Variants in PLA2G4B observed in about 807,000 individuals in gnomAD.
PLA2G4B encodes cytosolic phospholipase A2 beta.
In PLA2G4B, 122 loss-of-function variants were observed where a neutral mutation model predicts 95.8. The ratio of observed to expected loss-of-function variants is 1.27; its 90% CI spans 1.10 to 1.48. The LOEUF is 1.48. Ranked by LOEUF, PLA2G4B falls within the 40% of genes most tolerant of loss-of-function variation. PLA2G4B has a pLI of 0.00. For missense variants in PLA2G4B, 1,158 were observed against 996.2 expected (o/e 1.16, Z -2.19); for synonymous variants, 518 against 421.5 (o/e 1.23, Z -2.80).
In PLA2G4B at chr15:41,846,397, C is replaced by T; in HGVS notation, c.1780+15C>T. On this transcript the variant is annotated intron_variant, in intron 17 of 19. Coordinates refer to ENST00000458483, the MANE Select transcript of PLA2G4B (RefSeq NM_001114633.2). ...CACATGGAAAGGTACCTGCTTCTCT[C>T]CAAAGTCCTCCTGTGGCCACCTGAG... 6.3e-7 allele frequency: 1 copy of T among 1,594,900 alleles called. No homozygotes were observed. The highest frequency in any genetic ancestry group is 1.3e-5 in the African/African-American group (1 of 74,772).
At chr15:41,840,447 T>C (rs1354068101) in intron 2 of PLA2G4B, 77 bp from the exon 3 acceptor site, 4 of 1,608,260 alleles carry the variant, frequency 2.5e-6, no homozygotes, top group Non-Finnish European at 3.4e-6. Flanking sequence ...CATGGGGCTC[T>C]AGGTGATGGA....
intron 12 of PLA2G4B, 49 bp from the exon 13 acceptor site, chr15:41,844,799 C>G (rs750978664): frequency 2.6e-6 from 4 of 1,559,006 alleles, no homozygotes; most frequent in Non-Finnish European, 3.5e-6. Flanking sequence ...GGGGTCTAGA[C>G]GGGGTCCTTC....
At chr15:41,846,909 C>T in intron 18 of PLA2G4B, 74 bp downstream of exon 18, 1 of 1,486,416 alleles carries the variant, frequency 6.7e-7, no homozygotes, top group Non-Finnish European at 9.0e-7. Context: ...GCTTTGGAGT[C>T]CAGTGTCTGG....
intron 11 of PLA2G4B, 23 bp downstream of exon 11, chr15:41,843,834 G>A: frequency 1.2e-6 from 2 of 1,611,286 alleles, no homozygotes. Context: ...GGCTGGATGG[G>A]GTGTCCCCGG....
intron 18 of PLA2G4B, 36 bp from the exon 19 acceptor site, chr15:41,847,301 C>A: frequency 6.4e-7 from 1 of 1,563,644 alleles, no homozygotes; most frequent in East Asian, 2.3e-5. Flanking sequence ...TGCCAGGGGC[C>A]CTGTCCCTCT....
rs1402257307 is a variant in PLA2G4B at position 41,841,054 on chromosome 15, G to C, written c.352-1G>C. ...TAACTTACTTCTGGCTCTCTTCCCAGGGTGAGGGGCGCCTGGAAGTTGAAT... is the reference window on the plus strand; with the variant it reads ...TAACTTACTTCTGGCTCTCTTCCCACGGTGAGGGGCGCCTGGAAGTTGAAT... On this transcript the variant is annotated splice_acceptor_variant, in intron 4 of 19. Transcript: ENST00000458483. LOFTEE classifies it high-confidence loss of function. 2.9e-5 allele frequency: 46 copies of C among 1,577,826 alleles called. No individual in the cohort carries two copies. Among genetic ancestry groups the C allele is most frequent in the Non-Finnish European group, 3.9e-5 (45 of 1,159,414 alleles).
In PLA2G4B at chr15:41,842,601, C is replaced by T. The variant is rs558636482; in HGVS notation, c.743+10C>T. ...TGAAAAAAGAAGCAGGGTGAGAGGC[C>T]TGGCTGGGGACTGGGCAAGGCCCTG... On this transcript the variant is annotated intron_variant, in intron 10 of 19. Transcript: ENST00000458483. 86 of 1,609,094 alleles carry T rather than the reference C, an allele frequency of 5.3e-5. 2 individuals are homozygous for T. The South Asian group carries it at 9.4e-4, about 18-fold the overall frequency.
chr15:41,847,852 C>G lies in PLA2G4B; in HGVS notation c.2338C>G (p.Pro780Ala). 1 of 1,612,580 alleles carries G rather than the reference C, an allele frequency of 6.2e-7. No homozygotes were observed. Among genetic ancestry groups the G allele is most frequent in the Non-Finnish European group, 8.5e-7 (1 of 1,179,818 alleles). Residue 780 changes from proline to alanine, a missense_variant, in exon 20 of 20, where the codon CCC becomes GCC. By Grantham distance (27) the Pro-to-Ala change is conservative. Coordinates refer to ENST00000458483, the MANE Select transcript of PLA2G4B (RefSeq NM_001114633.2). Reference protein sequence around the residue: ...QAVQRRRQRRPH With the variant: ...QAVQRRRQRRAH ...AGTGCAGCGGAGGCGGCAGCGCAGG[C>G]CCCACTGATGGCCGGGGCCCCTGCC...
Position 41,842,563 on chromosome 15 carries a change from A to C in PLA2G4B, c.715A>C (p.Met239Leu). The C allele has an allele frequency of 1.2e-6, 2 of 1,609,858 alleles. No homozygotes were observed. The highest frequency in any genetic ancestry group is 8.5e-7 in the Non-Finnish European group (1 of 1,178,874). ...LVFPTSQEPL[M>L]RVELKKEAGL... ...CCTTCACGGTTTTCAGGAGCCCCTG[A>C]TGAGAGTGGAGCTGAAAAAAGAAGC... is the stretch of plus-strand genomic sequence containing the variant. The change falls in exon 10 of 20, where the codon ATG becomes CTG. Residue 239 changes from methionine (M) to leucine (L), a missense_variant. Met to Leu is a conservative substitution (Grantham distance 15). Transcript: ENST00000458483.
At chr15:41,839,109 G>C in intron 1 of PLA2G4B, 187 bp downstream of exon 1, 3 of 494,844 alleles carry the variant, frequency 6.1e-6, no homozygotes, top group South Asian at 5.8e-5. Flanking sequence ...GATCCGTCCT[G>C]AGTGTTTTCT....
intron 1 of PLA2G4B, chr15:41,839,207 C>G (rs1369568753): frequency 3.0e-6 from 1 of 333,180 alleles, no homozygotes; most frequent in African/African-American, 2.1e-5. Context: ...CGCCCTGAGG[C>G]CCTGGAAGCA....
At position 41,844,969 on chromosome 15, in the gene PLA2G4B, C is replaced by T. The variant is rs1050709830; in HGVS notation, c.1138C>T (p.Gln380Ter). Residue 380 changes from glutamine to a stop codon, truncating the protein, a stop_gained, in exon 13 of 20, where the codon CAG becomes TAG. Coordinates refer to ENST00000458483, the MANE Select transcript of PLA2G4B (RefSeq NM_001114633.2). LOFTEE classifies it high-confidence loss of function. ...GGGTGTGCTGGCCCCCAGCCAGCTG[C>T]AGCGGTACCGGCAGGAGCTGGCCGA... ...KLGVLAPSQLQRYRQELAERA... is the reference protein window; with the variant it reads ...KLGVLAPSQL The T allele has an allele frequency of 2.5e-6, 4 of 1,611,372 alleles. No homozygotes were observed. The African/African-American group carries it at 4.0e-5, about 16-fold the overall frequency.
In PLA2G4B at chr15:41,842,695, CCT is replaced by C. The variant is rs1193275075; in HGVS notation, c.743+106_743+107del. ...AGGGGGAGAAACAGCCGCCCCTCAT[CCT>C]CATGCTCTCTGAAGGGGCTCAGGCT... On this transcript the variant is annotated intron_variant, in intron 10 of 19. Transcript: ENST00000458483. The C allele has an allele frequency of 3.3e-6, 5 of 1,518,516 alleles. No homozygotes were observed. The East Asian group carries it at 1.2e-4, about 35-fold the overall frequency. 94.1% of individuals were successfully genotyped at this position (1,518,516 alleles called of 1,614,324 possible).
rs758370022 is a variant in PLA2G4B, at chr15:41,847,781, A to ATGTC, written c.2270_2273dup (p.Asn759LeufsTer42). 8 of 1,609,756 alleles carry ATGTC rather than the reference A, an allele frequency of 5.0e-6. No individual in the cohort carries two copies. The African/African-American group carries it at 7.0e-5, about 14-fold the overall frequency. On this transcript the variant is annotated frameshift_variant, in exon 20 of 20. Coordinates refer to ENST00000458483, the MANE Select transcript of PLA2G4B (RefSeq NM_001114633.2). LOFTEE classifies it low-confidence loss of function (END_TRUNC). ...AAGCTGCTGCACCTGACACATTACA[A>ATGTC]TGTCTGCAACAACCAGGAGCAGCTG...
At chr15:41,841,210 G>T (rs1567169295) in intron 5 of PLA2G4B, 21 bp from the exon 6 acceptor site, 1 of 1,613,894 alleles carries the variant, frequency 6.2e-7, no homozygotes, top group African/African-American at 1.3e-5. Flanking sequence ...CTGCTAAGGG[G>T]GCTCTGGGGG....
At chr15:41,846,478 A>AGCTT in intron 17 of PLA2G4B, 96 bp downstream of exon 17, 2 of 1,527,738 alleles carry the variant, frequency 1.3e-6, no homozygotes, top group Non-Finnish European at 1.8e-6. Flanking sequence ...TCCTGCTTTG[A>AGCTT]GCTTGATTCC....
At position 41,845,695 on chromosome 15, in the gene PLA2G4B, C is replaced by T; in HGVS notation, c.1415C>T (p.Pro472Leu). 1 of 1,613,810 alleles carries T rather than the reference C, an allele frequency of 6.2e-7. No individual in the cohort carries two copies. The highest frequency in any genetic ancestry group is 8.5e-7 in the Non-Finnish European group (1 of 1,179,886). ...TTCCCCAAGTACGGGGCCTTCATCC[C>T]CTCTGAGCTCTTTGGCTCCGAGTTC... ...VGFPKYGAFI[P>L]SELFGSEFFM... Residue 472 changes from proline (P) to leucine (L), a missense_variant, in exon 15 of 20, where the codon CCC becomes CTC. By Grantham distance (98) the Pro-to-Leu change is moderately conservative (BLOSUM62 -3). Transcript: ENST00000458483.
chr15:41,844,411 C>T, intron 11 of PLA2G4B, 60 bp from the exon 12 acceptor site: 1 of 1,611,078 alleles, frequency 6.2e-7, no homozygotes, highest in South Asian at 1.1e-5. Context: ...CCTCTTCTTC[C>T]TGTGACTTGG....
In PLA2G4B at chr15:41,847,673, C is replaced by T. The variant is rs144774902; in HGVS notation, c.2159C>T (p.Ala720Val). ...APGVRRTPEE[A>V]AAGEVNLSSS... ...GGGGTCCGGCGGACACCCGAGGAGG[C>T]GGCAGCTGGGGAGGTGAACCTGTCT... The change falls in exon 20 of 20, where the codon GCG becomes GTG. Residue 720 changes from alanine (A) to valine (V), a missense_variant. Physicochemically the swap from Ala to Val is moderately conservative, Grantham distance 64. Transcript: ENST00000458483. 20 of 1,613,644 alleles carry T rather than the reference C, an allele frequency of 1.2e-5. No individual in the cohort carries two copies. Among genetic ancestry groups the T allele is most frequent in the Admixed American group, 1.7e-5 (1 of 60,028 alleles).
Sources: gnomAD v4.1 joint callset for allele counts on GRCh38, gnomAD v4.1.1 for gene constraint, MANE v1.5 for transcripts, NCBI Gene and HGNC (gene_info 2026-07-23, HGNC 2026-07-21) for gene names.